Variants in PRKG1 observed in about 807,000 individuals in gnomAD.
The protein encoded by PRKG1 is cGMP-dependent protein kinase 1.
In PRKG1, 35 loss-of-function variants were observed where a neutral mutation model predicts 88.1. The ratio of observed to expected loss-of-function variants is 0.40; its 90% CI spans 0.30 to 0.53. PRKG1 has a LOEUF of 0.53. PRKG1 is among the 20% of genes least tolerant of loss of function. The pLI, the probability that PRKG1 is intolerant of heterozygous loss-of-function variation, is 0.59. For synonymous variants in PRKG1, 303 were observed against 292.5 expected (o/e 1.04, Z -0.37); for missense variants, 540 against 839.8 (o/e 0.64, Z 4.41).
intron 12 of PRKG1, among the ~76,000 whole-genome samples, chr10:52,277,041 G>A (rs910783704): frequency 5.9e-5 from 9 of 152,114 alleles, no homozygotes; most frequent in Non-Finnish European, 1.3e-4. Context: ...TGAAGGAATG[G>A]AAACTAGATT....
chr10:51,517,871 G>T (rs955048268), intron 3 of PRKG1, among the ~76,000 whole-genome samples: 1 of 152,138 alleles, frequency 6.6e-6, no homozygotes, highest in East Asian at 1.9e-4. Context: ...GCTGACTCAG[G>T]CCTGGGTTTC....
chr10:51,981,799 A>G (rs997138955), intron 5 of PRKG1, among the ~76,000 whole-genome samples: 1 of 151,968 alleles, frequency 6.6e-6, no homozygotes, highest in African/African-American at 2.4e-5. Context: ...CTTGGGGATG[A>G]TCTTCTCGTG....
chr10:52,075,232 A>G (rs1237254966), intron 7 of PRKG1, among the ~76,000 whole-genome samples: 1 of 152,186 alleles, frequency 6.6e-6, no homozygotes. Context: ...GATGTGTAAG[A>G]TCTCTTCACT....
At chr10:51,902,772 C>T (rs190407681) in intron 4 of PRKG1, among the ~76,000 whole-genome samples, 1 of 152,276 alleles carries the variant, frequency 6.6e-6, no homozygotes, top group East Asian at 1.9e-4. Context: ...AAGCATGCAT[C>T]CCATTAGTCA....
chr10:51,161,754 A>G (rs1018354332), intron 2 of PRKG1, among the ~76,000 whole-genome samples: 1 of 152,214 alleles, frequency 6.6e-6, no homozygotes, highest in Non-Finnish European at 1.5e-5. Flanking sequence ...TAAGATATCA[A>G]TCTCTCCATT....
intron 2 of PRKG1, among the ~76,000 whole-genome samples, chr10:51,193,297 G>T (rs1349777348): frequency 6.6e-6 from 1 of 151,936 alleles, no homozygotes. Flanking sequence ...TCACCTGGAG[G>T]TACTGTTGAA....
At chr10:51,182,504 T>C (rs562999468) in intron 2 of PRKG1, among the ~76,000 whole-genome samples, 2 of 152,266 alleles carry the variant, frequency 1.3e-5, no homozygotes, top group South Asian at 4.2e-4. Context: ...GCCAAATACA[T>C]GGATGCAAAC....
intron 2 of PRKG1, among the ~76,000 whole-genome samples, chr10:51,444,188 A>G (rs1839204151): frequency 6.6e-6 from 1 of 151,470 alleles, no homozygotes; most frequent in Non-Finnish European, 1.5e-5. Context: ...CTAGTATGAA[A>G]AAAGGCCTTG....
At chr10:51,725,610 G>T (rs957859574) in intron 3 of PRKG1, among the ~76,000 whole-genome samples, 1 of 147,650 alleles carries the variant, frequency 6.8e-6, no homozygotes, top group African/African-American at 2.5e-5. Flanking sequence ...AATCATAGAA[G>T]AATTTCTTTT....
chr10:51,458,614 G>C lies in PRKG1; in HGVS notation c.479-9109G>C, dbSNP rs577459707. On this transcript the variant is annotated intron_variant, in intron 2 of 17. Transcript: ENST00000373980. ...ATTGTTGTAGAAACTGAGAGCCAAA[G>C]GTTCAAAGCATCCAAGAGCAGTGAA... 3.9e-5 allele frequency among the ~76,000 whole-genome samples: 6 copies of C among 152,174 alleles called. No individual in the cohort carries two copies. In the South Asian group the frequency reaches 1.2e-3, roughly 32 times the overall value.
At chr10:51,211,851 T>G (rs1313534292) in intron 2 of PRKG1, among the ~76,000 whole-genome samples, 2 of 152,224 alleles carry the variant, frequency 1.3e-5, no homozygotes, top group Non-Finnish European at 2.9e-5. Context: ...TTCATGCTCA[T>G]GGATAGGAAG....
chr10:51,809,416 A>T (rs192067966), intron 4 of PRKG1, among the ~76,000 whole-genome samples: 46 of 152,330 alleles, frequency 3.0e-4, no homozygotes, highest in Admixed American at 2.1e-3. Flanking sequence ...TGTTGTTTTT[A>T]AGACAGATTC....
intron 3 of PRKG1, among the ~76,000 whole-genome samples, chr10:51,617,827 C>A (rs868541715): frequency 6.6e-6 from 1 of 152,114 alleles, no homozygotes; most frequent in African/African-American, 2.4e-5. Flanking sequence ...TTCTCTGTAT[C>A]CTGCTTGTTT....
At chr10:51,420,881 A>C (rs187238697) in intron 2 of PRKG1, among the ~76,000 whole-genome samples, 401 of 152,270 alleles carry the variant, frequency 2.6e-3, no homozygotes, top group African/African-American at 9.1e-3. Context: ...ACATGGTAAA[A>C]GTAGGAGTAA....
At chr10:51,449,145 CA>C (rs1408158721) in intron 2 of PRKG1, among the ~76,000 whole-genome samples, 1 of 151,876 alleles carries the variant, frequency 6.6e-6, no homozygotes, top group Non-Finnish European at 1.5e-5. Flanking sequence ...TTCACCTACC[CA>C]AAACCTGCTC....
intron 3 of PRKG1, among the ~76,000 whole-genome samples, chr10:51,755,300 G>A (rs746314294): frequency 6.6e-6 from 1 of 152,152 alleles, no homozygotes; most frequent in Non-Finnish European, 1.5e-5. Flanking sequence ...GCCATCTAGA[G>A]TACTGATGGC....
At chr10:51,531,028 A>G (rs921444081) in intron 3 of PRKG1, among the ~76,000 whole-genome samples, 4 of 152,302 alleles carry the variant, frequency 2.6e-5, no homozygotes, top group Middle Eastern at 3.4e-3. Flanking sequence ...GAATGGGGGT[A>G]AGAAGAAATC....
intron 2 of PRKG1, among the ~76,000 whole-genome samples, chr10:51,336,420 T>A (rs1841877939): frequency 6.6e-6 from 1 of 152,108 alleles, no homozygotes; most frequent in African/African-American, 2.4e-5. Context: ...CCAAATTATA[T>A]TAAATTCTTG....
intron 4 of PRKG1, among the ~76,000 whole-genome samples, chr10:51,848,133 G>A (rs948971103): frequency 6.6e-6 from 1 of 151,962 alleles, no homozygotes; most frequent in African/African-American, 2.4e-5. Flanking sequence ...AGCAAACAGT[G>A]GATACACCAC....
Sources: allele counts gnomAD v4.1 joint callset (sites outside exome capture counted in the v4.1 genomes callset), GRCh38; gene constraint gnomAD v4.1.1; transcripts MANE v1.5; gene names NCBI Gene and HGNC (gene_info 2026-07-23, HGNC 2026-07-21).